The following UTRN variants were observed in gnomAD, a reference collection of about 807,000 sequenced individuals.
The protein encoded by UTRN is utrophin.
Under a neutral mutation model 463.9 loss-of-function variants are expected in UTRN, and 283 were observed. That is an observed-to-expected ratio of 0.61 (90% CI 0.55 to 0.67). The LOEUF is 0.67. UTRN is among the 30% of genes least tolerant of loss of function. The pLI is 0.00. For synonymous variants in UTRN, 1,442 were observed against 1,431.5 expected, an observed-to-expected ratio of 1.01 and a Z score of -0.17; for missense variants, 3,922 against 4,084.3, an observed-to-expected ratio of 0.96 and a Z score of 1.08.
intron 2 of UTRN, among the ~76,000 whole-genome samples, chr6:144,390,570 A>G (rs930832910): frequency 1.3e-5 from 2 of 152,196 alleles, no homozygotes; most frequent in Non-Finnish European, 2.9e-5. Context: ...CACAGCTCTG[A>G]TAAAAAACCA....
At position 144,584,690 on chromosome 6, in the gene UTRN, G is replaced by A. The variant is rs187754136; in HGVS notation, c.7479+7402G>A. 9.0e-3 allele frequency among the ~76,000 whole-genome samples: 1,346 copies of A among 149,440 alleles called. 11 individuals carry two copies. The highest frequency in any genetic ancestry group is 0.014 in the Middle Eastern group (4 of 288). On this transcript the variant is annotated intron_variant, in intron 51 of 74. Transcript: ENST00000367545. The stretch of plus-strand genomic sequence containing the variant: ...CTGTCTGGAAACTTTTTTTTTTTCC[G>A]GAAGTTTTGGGAGACAGATTCAGGT...
rs770865125 is a variant in UTRN at position 144,493,292 on chromosome 6, G to A, written c.4438-9G>A. ...GTGTAATTTGTCTTTTTCTTTGTTT[G>A]TTTTAAAGAAACTGTATAAAACTTT... On this transcript the variant is annotated splice_polypyrimidine_tract_variant and intron_variant, in intron 32 of 74. Coordinates refer to ENST00000367545, the MANE Select transcript of UTRN (RefSeq NM_007124.3). 1.1e-5 allele frequency: 17 copies of A among 1,613,188 alleles called. No homozygotes were observed. The East Asian group carries it at 3.8e-4, about 36-fold the overall frequency.
intron 66 of UTRN, among the ~76,000 whole-genome samples, chr6:144,826,862 T>C (rs572606210): frequency 5.8e-4 from 88 of 152,268 alleles, no homozygotes; most frequent in Non-Finnish European, 1.2e-3. Context: ...ATGTTTACAT[T>C]TAAAATTACA....
Position 144,423,607 on chromosome 6 carries a change from A to T in UTRN, c.293A>T (p.Gln98Leu). 1 of 1,614,240 alleles carries T rather than the reference A, an allele frequency of 6.2e-7. No individual in the cohort carries two copies. Among genetic ancestry groups the T allele is most frequent in the Non-Finnish European group, 8.5e-7 (1 of 1,180,048 alleles). The change falls in exon 5 of 75, where the codon CAG becomes CTG. Residue 98 changes from glutamine to leucine, a missense_variant. Coordinates refer to ENST00000367545, the MANE Select transcript of UTRN (RefSeq NM_007124.3). ...HALNNVNRVL[Q>L]VLHQNNVELV... ...TTAAATAACGTCAACAGAGTGCTGC[A>T]GGTTTTACATCAGAACAATGTAAGT...
chr6:144,301,574 T>C (rs1215699922), intron 2 of UTRN, among the ~76,000 whole-genome samples: 1 of 146,330 alleles, frequency 6.8e-6, no homozygotes, highest in African/African-American at 2.6e-5. Context: ...GACAGGGTCT[T>C]GCTCCATTGC....
In UTRN at chr6:144,654,451, C is replaced by G. The variant is rs563519012; in HGVS notation, c.7480-23955C>G. On this transcript the variant is annotated intron_variant, in intron 51 of 74. Transcript: ENST00000367545. The stretch of plus-strand genomic sequence containing the variant: ...AATGCCCTCCTGGGGAAAGTACCAG[C>G]TTTTTACTTGTGACTGAAAACGGCG... 3.3e-5 allele frequency among the ~76,000 whole-genome samples: 5 copies of G among 152,306 alleles called. No homozygotes were observed. The South Asian group carries it at 1.0e-3, about 32-fold the overall frequency.
intron 33 of UTRN, among the ~76,000 whole-genome samples, chr6:144,495,440 G>A (rs1333214019): frequency 6.6e-6 from 1 of 152,244 alleles, no homozygotes; most frequent in Non-Finnish European, 1.5e-5. Flanking sequence ...CTGCTGCTCC[G>A]AGTGCGGGGC....
intron 59 of UTRN, among the ~76,000 whole-genome samples, chr6:144,773,710 G>A (rs1775057954): frequency 6.6e-6 from 1 of 152,208 alleles, no homozygotes; most frequent in Admixed American, 6.5e-5. Context: ...ACTGAGAAGG[G>A]AATTCCAGCA....
At chr6:144,800,075 T>C (rs1352171851) in intron 64 of UTRN, among the ~76,000 whole-genome samples, 1 of 152,174 alleles carries the variant, frequency 6.6e-6, no homozygotes, top group Non-Finnish European at 1.5e-5. Flanking sequence ...TATATAGATA[T>C]ATATAAAATC....
At chr6:144,584,064 T>TA (rs1232497896) in intron 51 of UTRN, among the ~76,000 whole-genome samples, 3 of 152,156 alleles carry the variant, frequency 2.0e-5, no homozygotes, top group Non-Finnish European at 4.4e-5. Context: ...AAAGACATTT[T>TA]AAAAAAATGA....
chr6:144,574,661 A>G (rs368906228), intron 50 of UTRN, among the ~76,000 whole-genome samples: 16 of 152,198 alleles, frequency 1.1e-4, no homozygotes, highest in South Asian at 1.0e-3. Flanking sequence ...GCTCACTGCA[A>G]CCTCTGCCTC....
At chr6:144,557,068 T>A in intron 49 of UTRN, 89 bp from the exon 50 acceptor site, 1 of 1,471,458 alleles carries the variant, frequency 6.8e-7, no homozygotes, top group South Asian at 1.4e-5. Flanking sequence ...ATCTAAAGCA[T>A]GTCAAAATCT....
rs535969294 is a variant in UTRN, at chr6:144,318,833, G to A, written c.79+26926G>A. On this transcript the variant is annotated intron_variant, in intron 2 of 74. Transcript: ENST00000367545. ...TACCTGTAATCCCAGCACTTTGGCC[G>A]GCGTAGGCAGGCAGATTGTTGGAGC... is the stretch of plus-strand genomic sequence containing the variant. Among the ~76,000 whole-genome samples, 16 of 152,268 alleles carry A rather than the reference G, an allele frequency of 1.1e-4. 1 individual carries two copies. Among genetic ancestry groups the A allele is most frequent in the African/African-American group, 3.8e-4 (16 of 41,574 alleles).
At chr6:144,328,589 A>G (rs1776126276) in intron 2 of UTRN, among the ~76,000 whole-genome samples, 1 of 150,790 alleles carries the variant, frequency 6.6e-6, no homozygotes, top group South Asian at 2.1e-4. Flanking sequence ...TTATTTTGCA[A>G]AGTCTTTTTA....
intron 53 of UTRN, among the ~76,000 whole-genome samples, chr6:144,720,062 A>G (rs1257904015): frequency 6.6e-6 from 1 of 152,234 alleles, no homozygotes; most frequent in African/African-American, 2.4e-5. Context: ...AGAAGGGTTT[A>G]GCAGGGATTC....
Position 144,482,374 on chromosome 6 carries a change from T to A in UTRN, c.3673T>A (p.Cys1225Ser), listed in dbSNP as rs147421116. ...QLLCNRIRGK[C>S]HTLEEVWSCW... Reference sequence around the variant, plus strand: ...TCTTTGTAATAGAATTCGAGGAAAGTGCCACACGCTAGAGGTATGCTATTA... The same window carrying A: ...TCTTTGTAATAGAATTCGAGGAAAGAGCCACACGCTAGAGGTATGCTATTA... Residue 1225 changes from cysteine (C) to serine (S), a missense_variant, in exon 27 of 75, where the codon TGC (cysteine) becomes AGC (serine). By Grantham distance (112) the Cys-to-Ser change is moderately radical. Transcript: ENST00000367545. 4.4e-6 allele frequency: 7 copies of A among 1,594,772 alleles called. No homozygotes were observed. Among genetic ancestry groups the A allele is most frequent in the African/African-American group, 1.4e-5 (1 of 73,948 alleles).
At chr6:144,302,148 A>G (rs1279655730) in intron 2 of UTRN, among the ~76,000 whole-genome samples, 1 of 152,054 alleles carries the variant, frequency 6.6e-6, no homozygotes, top group East Asian at 1.9e-4. Flanking sequence ...GTATGTCTAT[A>G]TGCCTTTTTT....
intron 66 of UTRN, among the ~76,000 whole-genome samples, chr6:144,824,358 A>G (rs554705876): frequency 4.7e-4 from 71 of 150,848 alleles, no homozygotes; most frequent in African/African-American, 1.7e-3. Context: ...TTAAGGCACT[A>G]AAAGGGTCAT....
intron 2 of UTRN, among the ~76,000 whole-genome samples, chr6:144,399,262 G>C (rs1456336103): frequency 2.0e-5 from 3 of 152,072 alleles, no homozygotes; most frequent in Non-Finnish European, 2.9e-5. Context: ...ATTAGTGTTT[G>C]GGTGTGATTG....
Sources: gnomAD v4.1 joint callset for allele counts (sites outside exome capture counted in the v4.1 genomes callset) on GRCh38, gnomAD v4.1.1 for gene constraint, MANE v1.5 for transcripts, NCBI Gene and HGNC (gene_info 2026-07-23, HGNC 2026-07-21) for gene names.